GPHN: variants seen among roughly 807,000 people sequenced by gnomAD.
GPHN encodes the protein gephyrin.
GPHN carries 17 observed loss-of-function variants against 95.5 expected under a neutral mutation model. The observed-to-expected ratio is 0.18, with a 90% CI of 0.12 to 0.27. The LOEUF is 0.27. GPHN is among the 10% of genes least tolerant of loss of function. GPHN has a pLI of 1.00. For missense variants in GPHN, 660 were observed against 978.1 expected, an observed-to-expected ratio of 0.67 and a Z score of 4.34; for synonymous variants, 320 against 322.5, an observed-to-expected ratio of 0.99 and a Z score of 0.08.
At chr14:67,722,766 CG>C in the GPHN span, 66 of 1,371,436 alleles carry the variant, frequency 4.8e-5, 1 homozygote, top group East Asian at 1.3e-3. Context: ...CACTGGAAGC[CG>C]GTTCTCAGCT....
the GPHN span, chr14:67,729,318 G>A: frequency 6.2e-7 from 1 of 1,600,328 alleles, no homozygotes; most frequent in Non-Finnish European, 8.5e-7. Context: ...GGGAGGGGGC[G>A]CAGACCAGCC....
chr14:67,549,234 G>C, the GPHN span, among the ~76,000 whole-genome samples: 2 of 151,694 alleles, frequency 1.3e-5, no homozygotes, highest in Admixed American at 6.6e-5. Context: ...TATTCTGTGG[G>C]GTGTGTGTGC....
intron 18 of GPHN, among the ~76,000 whole-genome samples, chr14:67,144,271 A>ATATATATATATATG (rs1567400938): frequency 6.4e-5 from 8 of 125,826 alleles, no homozygotes; most frequent in Non-Finnish European, 1.1e-4. Context: ...ATATATATAT[A>ATATATATATATATG]TATATATATA....
chr14:66,773,699 T>G (rs1218160553), intron 2 of GPHN, among the ~76,000 whole-genome samples: 2 of 152,134 alleles, frequency 1.3e-5, no homozygotes, highest in South Asian at 2.1e-4. Context: ...TGACTCTCTT[T>G]TGCTTTAGAA....
intron 2 of GPHN, among the ~76,000 whole-genome samples, chr14:66,751,713 T>A (rs2058370817): frequency 6.6e-6 from 1 of 151,996 alleles, no homozygotes; most frequent in African/African-American, 2.4e-5. Context: ...GCAGGATAGA[T>A]TTAGCATAAT....
At chr14:67,538,050 A>T in the GPHN span, among the ~76,000 whole-genome samples, 1 of 152,190 alleles carries the variant, frequency 6.6e-6, no homozygotes, top group Non-Finnish European at 1.5e-5. Context: ...GGTATTGGGG[A>T]CAGAGGGACT....
rs113963697 is a variant in GPHN at position 66,658,297 on chromosome 14, A to C, written c.65-22810A>C. 9.7e-3 allele frequency among the ~76,000 whole-genome samples: 1,480 copies of C among 152,264 alleles called. 26 individuals carry two copies. Among genetic ancestry groups the C allele is most frequent in the African/African-American group, 0.034 (1,397 of 41,568 alleles). Reference sequence around the variant, plus strand: ...CAAAGAAAGGTGTTCCTTGAGGTGGAATCTACTCCTGGTGAAGATGCTGTG... The same window carrying C: ...CAAAGAAAGGTGTTCCTTGAGGTGGCATCTACTCCTGGTGAAGATGCTGTG... On this transcript the variant is annotated intron_variant, in intron 1 of 22. Transcript: ENST00000478722.
At chr14:67,704,783 A>G in the GPHN span, among the ~76,000 whole-genome samples, 3 of 152,248 alleles carry the variant, frequency 2.0e-5, no homozygotes, top group South Asian at 6.2e-4. Flanking sequence ...TTGAATTCAT[A>G]GCAGCAGCTC....
chr14:66,903,881 A>G (rs1419936348), intron 5 of GPHN, among the ~76,000 whole-genome samples: 1 of 152,174 alleles, frequency 6.6e-6, no homozygotes, highest in Non-Finnish European at 1.5e-5. Context: ...AAAAGATGAC[A>G]ACTTATCTTA....
chr14:67,723,290 T>C, the GPHN span, among the ~76,000 whole-genome samples: 1 of 152,312 alleles, frequency 6.6e-6, no homozygotes, highest in Non-Finnish European at 1.5e-5. Flanking sequence ...GTGGAGTGCA[T>C]TGGTGTAGTC....
chr14:67,722,291 G>A, the GPHN span: 1 of 388,992 alleles, frequency 2.6e-6, no homozygotes, highest in Admixed American at 3.6e-5. Context: ...GTGGTTGGGA[G>A]AACACATTTC....
chr14:67,505,146 T>A, the GPHN span, among the ~76,000 whole-genome samples: 3 of 152,080 alleles, frequency 2.0e-5, no homozygotes, highest in Admixed American at 6.5e-5. Flanking sequence ...CAAAGAAGGA[T>A]GCGCATTTTC....
chr14:66,672,211 T>A (rs1301728881), intron 1 of GPHN, among the ~76,000 whole-genome samples: 1 of 152,162 alleles, frequency 6.6e-6, no homozygotes, highest in East Asian at 1.9e-4. Context: ...TCTTTAGAAG[T>A]GTTTTGTTTA....
At chr14:66,649,162 T>A (rs907611393) in intron 1 of GPHN, among the ~76,000 whole-genome samples, 2 of 152,142 alleles carry the variant, frequency 1.3e-5, no homozygotes, top group Non-Finnish European at 1.5e-5. Flanking sequence ...TGAAACCCTG[T>A]GTCTACTAAA....
chr14:67,631,421 CCTTT>C, the GPHN span, among the ~76,000 whole-genome samples: 1,393 of 140,830 alleles, frequency 9.9e-3, 16 homozygotes, highest in Middle Eastern at 0.026. Context: ...TCTAGTAAAT[CCTTT>C]CTTTCTTTCT....
At chr14:66,732,422 A>G (rs1266303740) in intron 2 of GPHN, among the ~76,000 whole-genome samples, 4 of 152,256 alleles carry the variant, frequency 2.6e-5, no homozygotes, top group African/African-American at 7.2e-5. Context: ...TAGAACTTGC[A>G]TGGGGCCTGT....
the GPHN span, among the ~76,000 whole-genome samples, chr14:67,427,576 C>G: frequency 6.6e-6 from 1 of 152,218 alleles, no homozygotes; most frequent in African/African-American, 2.4e-5. Context: ...CGGCTTCCCA[C>G]GAGAGCTCCG....
At chr14:66,783,488 G>T (rs1335335019) in intron 3 of GPHN, among the ~76,000 whole-genome samples, 1 of 152,166 alleles carries the variant, frequency 6.6e-6, no homozygotes, top group East Asian at 1.9e-4. Context: ...TCCCCATTCA[G>T]TATCAGTGAG....
intron 8 of GPHN, among the ~76,000 whole-genome samples, chr14:66,928,057 A>C (rs984329787): frequency 6.6e-6 from 1 of 152,194 alleles, no homozygotes; most frequent in Non-Finnish European, 1.5e-5. Context: ...TTGTAGAATG[A>C]GTATAGAAGT....
Sources: gnomAD v4.1 joint callset for allele counts (sites outside exome capture counted in the v4.1 genomes callset) on GRCh38, gnomAD v4.1.1 for gene constraint, MANE v1.5 for transcripts, NCBI Gene and HGNC (gene_info 2026-07-23, HGNC 2026-07-21) for gene names.